ARMC2: variants seen among roughly 807,000 people sequenced by gnomAD.
ARMC2 encodes armadillo repeat-containing protein 2.
A neutral mutation model predicts 90.3 loss-of-function variants in ARMC2; 67 were observed. The ratio of observed to expected loss-of-function variants is 0.74; its 90% CI spans 0.61 to 0.91. ARMC2 has a LOEUF of 0.91. ARMC2 is among the 40% of genes least tolerant of loss of function. The pLI, the probability that ARMC2 is intolerant of heterozygous loss-of-function variation, is 0.00. For missense variants in ARMC2, 920 were observed against 1,030.9 expected, an observed-to-expected ratio of 0.89 and a Z score of 1.47; for synonymous variants, 393 against 393.0, an observed-to-expected ratio of 1.00 and a Z score of 0.00.
At chr6:108,869,112 A>G (rs1562333177) in intron 4 of ARMC2, 117 bp downstream of exon 4, 2 of 1,089,520 alleles carry the variant, frequency 1.8e-6, no homozygotes, top group African/African-American at 1.6e-5. Context: ...ATTAACTAAG[A>G]TTAGTTAATA....
chr6:108,950,735 A>T lies in ARMC2; in HGVS notation c.1597-2298A>T, dbSNP rs116747416. Among the ~76,000 whole-genome samples, 672 of 152,282 alleles carry T rather than the reference A, an allele frequency of 4.4e-3. 7 individuals carry two copies. Among genetic ancestry groups the T allele is most frequent in the African/African-American group, 0.015 (622 of 41,540 alleles). On this transcript the variant is annotated intron_variant, in intron 12 of 17. Coordinates refer to ENST00000392644, the MANE Select transcript of ARMC2 (RefSeq NM_032131.6). The stretch of plus-strand genomic sequence containing the variant: ...TACCAAAGCCCCATGACACAAGATT[A>T]CCCATGTAACAAAAGTGCTCATGTA...
Position 108,928,071 on chromosome 6 carries a change from G to A in ARMC2, c.1351-17G>A. On this transcript the variant is annotated splice_polypyrimidine_tract_variant and intron_variant, in intron 10 of 17. Coordinates refer to ENST00000392644, the MANE Select transcript of ARMC2 (RefSeq NM_032131.6). ...TTTCAGTTCAAAAAAAATGGCACAA[G>A]CATGCTTTTATCCTAGGTGACTGCT... The A allele has an allele frequency of 6.3e-7, 1 of 1,588,462 alleles. No homozygotes were observed. The highest frequency in any genetic ancestry group is 8.5e-7 in the Non-Finnish European group (1 of 1,170,858).
chr6:109,045,480 C>T, the ARMC2 span, among the ~76,000 whole-genome samples: 1 of 152,212 alleles, frequency 6.6e-6, no homozygotes, highest in Non-Finnish European at 1.5e-5. Context: ...CAGATTGCAT[C>T]TCTGCCTATG....
At chr6:109,040,260 T>A in the ARMC2 span, among the ~76,000 whole-genome samples, 1 of 152,186 alleles carries the variant, frequency 6.6e-6, no homozygotes, top group East Asian at 1.9e-4. Flanking sequence ...TCCTCTCCTT[T>A]ATATGACATT....
intron 8 of ARMC2, among the ~76,000 whole-genome samples, chr6:108,906,421 G>A (rs1456654230): frequency 6.6e-6 from 1 of 151,404 alleles, no homozygotes; most frequent in Admixed American, 6.6e-5. Context: ...ATAAACTACT[G>A]TTTTTAACAT....
the ARMC2 span, among the ~76,000 whole-genome samples, chr6:109,045,615 C>T: frequency 6.6e-6 from 1 of 152,202 alleles, no homozygotes; most frequent in Non-Finnish European, 1.5e-5. Flanking sequence ...CTTCAACTGG[C>T]CTCTCCTTAG....
chr6:108,928,310 G>A lies in ARMC2; in HGVS notation c.1496+77G>A, dbSNP rs557843417. The stretch of plus-strand genomic sequence containing the variant: ...TTGGGGTTATCTTTAATATTTGCTT[G>A]TGTGACTGGCAAGGAATCCTTTTCC... On this transcript the variant is annotated intron_variant, in intron 11 of 17. Transcript: ENST00000392644. The A allele has an allele frequency of 4.1e-5, 54 of 1,331,724 alleles. No homozygotes were observed. The African/African-American group carries it at 7.7e-4, about 19-fold the overall frequency. The allele number at this position is 1,331,724 out of a possible 1,614,324, so 82.5% of individuals were successfully genotyped here. A position where few individuals can be genotyped will look rare whatever the true frequency, so the allele number is the denominator to read the frequency against.
chr6:109,024,023 A>G, the ARMC2 span, among the ~76,000 whole-genome samples: 16 of 152,132 alleles, frequency 1.1e-4, no homozygotes, highest in Admixed American at 1.0e-3. Flanking sequence ...AAAATCAGTA[A>G]TTTTTGCCAA....
chr6:108,904,659 AAG>A (rs1562372732), intron 8 of ARMC2, among the ~76,000 whole-genome samples: 1 of 134,066 alleles, frequency 7.5e-6, no homozygotes, highest in African/African-American at 2.7e-5. Context: ...AAAAAAAAAA[AAG>A]AAGAAGAAGA....
At chr6:109,007,340 G>A in the ARMC2 span, among the ~76,000 whole-genome samples, 1 of 152,168 alleles carries the variant, frequency 6.6e-6, no homozygotes, top group East Asian at 1.9e-4. Context: ...ATATCCTTAA[G>A]TGAAATAATG....
rs1384614815 is a variant in ARMC2, at chr6:108,953,352, G to A, written c.1915+1G>A. 1.9e-6 allele frequency: 3 copies of A among 1,595,764 alleles called. No homozygotes were observed. The highest frequency in any genetic ancestry group is 2.6e-6 in the Non-Finnish European group (3 of 1,173,628). ...GTGGGCCTGCTCCTGACCACGCTGG[G>A]TGAGAACCGCAGCCCACTGGCTGCA... On this transcript the variant is annotated splice_donor_variant, in intron 13 of 17. Coordinates refer to ENST00000392644, the MANE Select transcript of ARMC2 (RefSeq NM_032131.6). LOFTEE classifies it high-confidence loss of function.
chr6:108,918,673 C>A (rs368086717), intron 10 of ARMC2, among the ~76,000 whole-genome samples: 48 of 152,234 alleles, frequency 3.2e-4, no homozygotes, highest in African/African-American at 9.4e-4. Flanking sequence ...GAGCCCCCAG[C>A]ATAAGCTGGC....
intron 12 of ARMC2, among the ~76,000 whole-genome samples, chr6:108,944,606 C>A (rs574281488): frequency 6.6e-6 from 1 of 152,308 alleles, no homozygotes; most frequent in Non-Finnish European, 1.5e-5. Context: ...CACCAAATTT[C>A]ATCTTTAAAA....
At chr6:108,891,795 G>C (rs980747912) in intron 5 of ARMC2, among the ~76,000 whole-genome samples, 1 of 152,136 alleles carries the variant, frequency 6.6e-6, no homozygotes, top group African/African-American at 2.4e-5. Flanking sequence ...CATTGCTTTT[G>C]TTGTTTTAGT....
chr6:108,983,108 C>T, the ARMC2 span, among the ~76,000 whole-genome samples: 1 of 152,136 alleles, frequency 6.6e-6, no homozygotes, highest in Admixed American at 6.5e-5. Context: ...TGAGCCACCA[C>T]TCCCAGCCCC....
chr6:109,018,503 A>G, the ARMC2 span, among the ~76,000 whole-genome samples: 1 of 152,202 alleles, frequency 6.6e-6, no homozygotes, highest in African/African-American at 2.4e-5. Flanking sequence ...ATGCCAGGAG[A>G]GGCTCAGGCA....
chr6:109,012,677 T>C, the ARMC2 span, among the ~76,000 whole-genome samples: 2 of 151,952 alleles, frequency 1.3e-5, no homozygotes, highest in Admixed American at 6.6e-5. Context: ...TTTGGGAGAA[T>C]AGACACAGAG....
At chr6:109,001,793 C>G in the ARMC2 span, among the ~76,000 whole-genome samples, 4 of 152,148 alleles carry the variant, frequency 2.6e-5, no homozygotes, top group Non-Finnish European at 5.9e-5. Context: ...AGCTTGCAAA[C>G]AGACACTAAA....
chr6:108,930,898 AC>A (rs1026842343), intron 11 of ARMC2, among the ~76,000 whole-genome samples: 1 of 120,040 alleles, frequency 8.3e-6, no homozygotes, highest in Admixed American at 8.7e-5. Context: ...CCCGGCCCCC[AC>A]CCCCTTTTTT....
Sources: gnomAD v4.1 joint callset for allele counts (sites outside exome capture counted in the v4.1 genomes callset) on GRCh38, gnomAD v4.1.1 for gene constraint, MANE v1.5 for transcripts, NCBI Gene and HGNC (gene_info 2026-07-23, HGNC 2026-07-21) for gene names.